Variants in TAF1D observed in about 807,000 individuals in gnomAD.
TAF1D encodes TATA box-binding protein-associated factor RNA polymerase I subunit D.
TAF1D carries 23 observed loss-of-function variants against 26.2 expected under a neutral mutation model. That is an observed-to-expected ratio of 0.88 (90% CI 0.63 to 1.25). The LOEUF is 1.25. Among genes scored for constraint, TAF1D ranks in the 50% most tolerant of loss-of-function variants. The pLI is 0.00. For synonymous variants in TAF1D, 100 were observed against 105.6 expected (o/e 0.95, Z 0.33); for missense variants, 299 against 322.0 (o/e 0.93, Z 0.55).
At chr11:93,737,957 T>C (rs776734393) in intron 3 of TAF1D, 152 bp downstream of exon 3, 5 of 707,718 alleles carry the variant, frequency 7.1e-6, no homozygotes, top group Admixed American at 6.7e-5. Flanking sequence ...AGTTGAAGGA[T>C]AGGGTGGACT....
In TAF1D at chr11:93,736,002, AAACTTCTTCACAGGGT is replaced by A. The variant is rs1232175755; in HGVS notation, c.*143_*158del. 7.2e-7 allele frequency: 1 copy of A among 1,389,116 alleles called. No homozygotes were observed. Among genetic ancestry groups the A allele is most frequent in the African/African-American group, 1.5e-5 (1 of 66,500 alleles). The allele number at this position is 1,389,116 out of a possible 1,614,324, so 86.0% of individuals were successfully genotyped here. A position where few individuals can be genotyped will look rare whatever the true frequency, so the allele number is the denominator to read the frequency against. ...TTACTACTTCACAAGTTTCTTTCACAAACTTCTTCACAGGGTTAAAAATTTTTTTTCTTGTTATAAA... is the reference window on the plus strand; with the variant it reads ...TTACTACTTCACAAGTTTCTTTCACATAAAAATTTTTTTTCTTGTTATAAA... On this transcript the variant is annotated 3_prime_UTR_variant, in exon 6 of 6. Coordinates refer to ENST00000448108, the MANE Select transcript of TAF1D (RefSeq NM_024116.4).
chr11:93,736,378 C>T (rs1450574627), intron 5 of TAF1D, 74 bp from the exon 6 acceptor site: 3 of 1,480,220 alleles, frequency 2.0e-6, no homozygotes, highest in Non-Finnish European at 2.7e-6. Flanking sequence ...TAGCTGAATG[C>T]CCTGGATTAC....
At chr11:93,731,127 T>TTTA (rs769880316), downstream of TAF1D, 4 of 496,420 alleles carry the variant, frequency 8.1e-6, no homozygotes, top group African/African-American at 7.9e-5. Context: ...TAACTTATAG[T>TTTA]TAAGATAAAA....
chr11:93,731,000 T>C (rs2135405557), downstream of TAF1D: 1 of 518,600 alleles, frequency 1.9e-6, no homozygotes, highest in African/African-American at 1.9e-5. Context: ...ATAAGCTGAT[T>C]GCTAGCAAAG....
At chr11:93,734,716 T>A (rs534334212), downstream of TAF1D, 1 of 1,286,718 alleles carries the variant, frequency 7.8e-7, no homozygotes, top group Non-Finnish European at 1.0e-6. Context: ...AATGCAAAAT[T>A]AATACTGCTG....
exon 12 of TAF1D, chr11:93,730,230 G>C (rs746325187): frequency 1.3e-6 from 2 of 1,551,206 alleles, no homozygotes; most frequent in African/African-American, 1.4e-5. Context: ...TCCTTCCACA[G>C]AAAACACTAG....
chr11:93,731,893 C>T (rs144529968), downstream of TAF1D: 27 of 390,036 alleles, frequency 6.9e-5, no homozygotes, highest in East Asian at 1.8e-3. Flanking sequence ...AGTCAATATA[C>T]AGCACATAAA....
chr11:93,730,591 C>A, downstream of TAF1D: 1 of 594,682 alleles, frequency 1.7e-6, no homozygotes, highest in Non-Finnish European at 3.2e-6. Flanking sequence ...CATCTTTGGT[C>A]ACAGCGTTAA....
chr11:93,732,709 A>G, downstream of TAF1D: 1 of 278,402 alleles, frequency 3.6e-6, no homozygotes, highest in Non-Finnish European at 7.3e-6. Context: ...AAACTTAAAG[A>G]TGGAATATAT....
At chr11:93,732,224 A>G (rs1357917887), downstream of TAF1D, 3 of 480,200 alleles carry the variant, frequency 6.2e-6, no homozygotes, top group Admixed American at 2.2e-5. Flanking sequence ...AGCAGAATCA[A>G]TAGAAACAGA....
At chr11:93,736,945 T>C (rs1317678318) in intron 4 of TAF1D, 119 bp downstream of exon 4, 27 of 1,109,132 alleles carry the variant, frequency 2.4e-5, no homozygotes, top group Non-Finnish European at 3.3e-5. Context: ...CCAATTGTCA[T>C]ACTCTGTATC....
downstream of TAF1D, chr11:93,732,642 A>C (rs1013574848): frequency 6.7e-5 from 21 of 315,574 alleles, no homozygotes; most frequent in African/African-American, 3.7e-4. Context: ...AGCTACATTA[A>C]CTACATTTTA....
In TAF1D at chr11:93,738,493, G is replaced by C; in HGVS notation, c.75C>G (p.Asn25Lys). 1 of 1,557,886 alleles carries C rather than the reference G, an allele frequency of 6.4e-7. No individual in the cohort carries two copies. The highest frequency in any genetic ancestry group is 1.2e-5 in the South Asian group (1 of 82,610). The part of the protein sequence containing the change: ...DAVELANRSD[N>K]SSDSSLFKTQ... ...TTTTAAATAAGCTGCTATCAGAAGAGTTATCACTAGAAAAATGGGAAAAAA... is the reference window on the plus strand; with the variant it reads ...TTTTAAATAAGCTGCTATCAGAAGACTTATCACTAGAAAAATGGGAAAAAA... The change falls in exon 3 of 6, where the codon AAC becomes AAG. Residue 25 changes from asparagine to lysine, a missense_variant. Transcript: ENST00000448108.
At chr11:93,732,088 T>C (rs1565237039), downstream of TAF1D, 3 of 518,886 alleles carry the variant, frequency 5.8e-6, no homozygotes, top group East Asian at 5.4e-5. Context: ...ACATTAACTA[T>C]TTTTGGACAC....
chr11:93,733,823 A>G, downstream of TAF1D: 1 of 180,320 alleles, frequency 5.5e-6, no homozygotes, highest in Non-Finnish European at 1.2e-5. Flanking sequence ...TCCAGCTAGT[A>G]TTTATACACA....
At position 93,741,435 on chromosome 11, in the gene TAF1D, G is replaced by C. The variant is rs1260369573; in HGVS notation, c.-141C>G. Reference sequence around the variant, plus strand: ...AGAGCTCTGTACACACCACCCTCCCGACCTCAGCCCTCCAACTCCCGATAA... The same window carrying C: ...AGAGCTCTGTACACACCACCCTCCCCACCTCAGCCCTCCAACTCCCGATAA... On this transcript the variant is annotated 5_prime_UTR_variant, in exon 1 of 6. Coordinates refer to ENST00000448108, the MANE Select transcript of TAF1D (RefSeq NM_024116.4). The C allele has an allele frequency of 2.2e-6, 1 of 455,952 alleles. No individual in the cohort carries two copies. The highest frequency in any genetic ancestry group is 2.0e-5 in the African/African-American group (1 of 50,088). 28.2% of individuals were successfully genotyped at this position (455,952 alleles called of 1,614,324 possible). A position where few individuals can be genotyped will look rare whatever the true frequency, so the allele number is the denominator to read the frequency against.
intron 5 of TAF1D, 137 bp from the exon 6 acceptor site, chr11:93,736,441 C>A: frequency 7.0e-7 from 1 of 1,422,316 alleles, no homozygotes; most frequent in East Asian, 2.6e-5. Context: ...ATTAACATTG[C>A]TTATTTTTTC....
chr11:93,739,252 T>C lies in TAF1D; in HGVS notation c.53A>G (p.Glu18Gly). 2 of 1,612,880 alleles carry C rather than the reference T, an allele frequency of 1.2e-6. No individual in the cohort carries two copies. The highest frequency in any genetic ancestry group is 4.5e-5 in the East Asian group (2 of 44,836). ...SLDHVTSDAV[E>G]LANRSDNSSD... ...ATCCACTCACCTTCGATTTGCAAGT[T>C]CCACAGCATCAGATGTCACATGGTC... Residue 18 changes from glutamate (E) to glycine (G), a missense_variant, in exon 2 of 6, where the codon GAA becomes GGA. Coordinates refer to ENST00000448108, the MANE Select transcript of TAF1D (RefSeq NM_024116.4).
chr11:93,737,688 A>G (rs150443954), intron 3 of TAF1D, among the ~76,000 whole-genome samples: 4 of 152,308 alleles, frequency 2.6e-5, no homozygotes, highest in East Asian at 3.9e-4. Flanking sequence ...GTATTAGCGT[A>G]TTTTTCAGAT....
Sources: gnomAD v4.1 joint callset for allele counts (sites outside exome capture counted in the v4.1 genomes callset) on GRCh38, gnomAD v4.1.1 for gene constraint, MANE v1.5 for transcripts, NCBI Gene and HGNC (gene_info 2026-07-23, HGNC 2026-07-21) for gene names.